Variants in CNTN6 observed in about 807,000 individuals in gnomAD.
CNTN6 encodes contactin 6, also known as contactin-6.
A neutral mutation model predicts 122.8 loss-of-function variants in CNTN6; 137 were observed. That is an observed-to-expected ratio of 1.12 (90% CI 0.97 to 1.29). CNTN6 has a LOEUF of 1.29. Among genes scored for constraint, CNTN6 ranks in the 50% most tolerant of loss-of-function variants. CNTN6 has a pLI of 0.00. For synonymous variants in CNTN6, 570 were observed against 426.0 expected, an observed-to-expected ratio of 1.34 and a Z score of -4.16; for missense variants, 1,634 against 1,223.4, an observed-to-expected ratio of 1.34 and a Z score of -5.01.
intron 5 of CNTN6, among the ~76,000 whole-genome samples, chr3:1,280,765 C>T (rs534956958): frequency 4.6e-5 from 7 of 151,928 alleles, no homozygotes; most frequent in East Asian, 3.9e-4. Flanking sequence ...GCACCTGGTC[C>T]GAGATTTAAT....
intron 4 of CNTN6, among the ~76,000 whole-genome samples, chr3:1,273,016 C>G (rs2095051505): frequency 1.3e-5 from 2 of 152,158 alleles, no homozygotes; most frequent in Admixed American, 6.5e-5. Context: ...GGGCCATTCT[C>G]AGGCACTTCC....
intron 1 of CNTN6, among the ~76,000 whole-genome samples, chr3:1,129,976 T>C (rs146063699): frequency 1.2e-3 from 187 of 152,176 alleles, no homozygotes; most frequent in Non-Finnish European, 2.1e-3. Flanking sequence ...AATCTAGATA[T>C]ATTTTTAATG....
In CNTN6 at chr3:1,199,690, G is replaced by A. The variant is rs181332051; in HGVS notation, c.56-20997G>A. 1.8e-4 allele frequency among the ~76,000 whole-genome samples: 27 copies of A among 152,224 alleles called. No homozygotes were observed. The East Asian group carries it at 3.9e-3, about 22-fold the overall frequency. On this transcript the variant is annotated intron_variant, in intron 2 of 22. Coordinates refer to ENST00000446702, the MANE Select transcript of CNTN6 (RefSeq NM_001289080.2). The stretch of plus-strand genomic sequence containing the variant: ...GAGGTAGAGGAATTGGAACACAGAC[G>A]GGAGGAGATAAGAAGCACTCTCTGC...
At chr3:1,108,011 G>A (rs2091305633) in intron 1 of CNTN6, among the ~76,000 whole-genome samples, 1 of 152,018 alleles carries the variant, frequency 6.6e-6, no homozygotes, top group African/African-American at 2.4e-5. Context: ...GGCTCTGGGT[G>A]TTAATGTCAG....
At position 1,403,953 on chromosome 3, in the gene CNTN6, A is replaced by G. The variant is rs1696035622; in HGVS notation, c.*535A>G. ...TCTTTTTACTCAAGAATATTTCAAT[A>G]TACATGATGTTCTTCTCAGCCCACT... is the stretch of plus-strand genomic sequence containing the variant. On this transcript the variant is annotated 3_prime_UTR_variant, in exon 23 of 23. Transcript: ENST00000446702. 1 of 152,194 alleles carries G rather than the reference A, an allele frequency of 6.6e-6. No individual in the cohort carries two copies. Among genetic ancestry groups the G allele is most frequent in the Admixed American group, 6.6e-5 (1 of 15,256 alleles). The allele number at this position is 152,194 out of a possible 1,614,324, so 9.4% of individuals were successfully genotyped here.
Position 1,329,941 on chromosome 3 carries a change from C to T in CNTN6, c.1364+6C>T, listed in dbSNP as rs2125999632. The stretch of plus-strand genomic sequence containing the variant: ...ACCCTTAGACAAAGCAAAAGGTAAA[C>T]AAATCTTTATTTTTAAAAATATTTT... On this transcript the variant is annotated splice_donor_region_variant and intron_variant, in intron 11 of 22. Coordinates refer to ENST00000446702, the MANE Select transcript of CNTN6 (RefSeq NM_001289080.2). 2.0e-6 allele frequency: 3 copies of T among 1,527,350 alleles called. No individual in the cohort carries two copies. The highest frequency in any genetic ancestry group is 1.3e-5 in the South Asian group (1 of 75,640). The allele number at this position is 1,527,350 out of a possible 1,614,324, so 94.6% of individuals were successfully genotyped here. A position where few individuals can be genotyped will look rare whatever the true frequency, so the allele number is the denominator to read the frequency against.
intron 12 of CNTN6, among the ~76,000 whole-genome samples, chr3:1,352,909 C>T (rs986792927): frequency 2.0e-5 from 3 of 151,614 alleles, no homozygotes; most frequent in African/African-American, 4.8e-5. Context: ...AGGGTCACAA[C>T]CTTTAGTAAG....
intron 2 of CNTN6, among the ~76,000 whole-genome samples, chr3:1,219,306 C>T (rs780992109): frequency 4.6e-5 from 7 of 152,078 alleles, no homozygotes; most frequent in Non-Finnish European, 8.8e-5. Flanking sequence ...CCTGACAGAA[C>T]GCAGCATAAA....
chr3:1,359,676 G>A (rs909882469), intron 12 of CNTN6, among the ~76,000 whole-genome samples: 1 of 152,002 alleles, frequency 6.6e-6, no homozygotes, highest in Non-Finnish European at 1.5e-5. Flanking sequence ...TTGTCTAAGA[G>A]GATATAAAAC....
intron 4 of CNTN6, among the ~76,000 whole-genome samples, chr3:1,258,159 T>C (rs1452252412): frequency 1.3e-4 from 20 of 152,160 alleles, no homozygotes; most frequent in Non-Finnish European, 2.9e-4. Flanking sequence ...AGATTGTGAT[T>C]GATAAAACTT....
In CNTN6 at chr3:1,317,427, T is replaced by A. The variant is rs146431556; in HGVS notation, c.762-4223T>A. ...AGCAGGAAAATGACTCAAAATGGGC[T>A]TAAGAAAAAAATAATATATTGGCTA... On this transcript the variant is annotated intron_variant, in intron 7 of 22. Coordinates refer to ENST00000446702, the MANE Select transcript of CNTN6 (RefSeq NM_001289080.2). Among the ~76,000 whole-genome samples the A allele has an allele frequency of 2.4e-3, 357 of 151,842 alleles. 3 individuals carry two copies. The highest frequency in any genetic ancestry group is 0.018 in the East Asian group (95 of 5,140).
chr3:1,328,667 C>T (rs1701863702), intron 10 of CNTN6, among the ~76,000 whole-genome samples: 1 of 151,744 alleles, frequency 6.6e-6, no homozygotes, highest in African/African-American at 2.4e-5. Context: ...TGAGGACATT[C>T]CCTTTAATCT....
intron 5 of CNTN6, among the ~76,000 whole-genome samples, chr3:1,284,536 A>G (rs1412969844): frequency 6.6e-6 from 1 of 152,112 alleles, no homozygotes; most frequent in Non-Finnish European, 1.5e-5. Flanking sequence ...CTGGGTATTC[A>G]CTCAACAAAT....
chr3:1,256,946 T>A (rs1027298130), intron 4 of CNTN6, among the ~76,000 whole-genome samples: 31 of 152,172 alleles, frequency 2.0e-4, no homozygotes, highest in African/African-American at 6.5e-4. Context: ...TAAATGTGAA[T>A]GCATCTTGAT....
intron 2 of CNTN6, among the ~76,000 whole-genome samples, chr3:1,181,430 G>T (rs2093552119): frequency 6.6e-6 from 1 of 152,078 alleles, no homozygotes; most frequent in African/African-American, 2.4e-5. Flanking sequence ...CCAAATCTTA[G>T]GGGTTTTTTT....
intron 12 of CNTN6, among the ~76,000 whole-genome samples, chr3:1,367,915 C>T (rs888335898): frequency 3.9e-5 from 6 of 152,134 alleles, no homozygotes; most frequent in South Asian, 2.1e-4. Flanking sequence ...GCCCATACCT[C>T]GCCGGAGGCT....
chr3:1,239,043 A>T (rs1052026823), intron 4 of CNTN6, among the ~76,000 whole-genome samples: 1 of 152,208 alleles, frequency 6.6e-6, no homozygotes, highest in African/African-American at 2.4e-5. Context: ...AACCTAGAGG[A>T]GATGGATAAA....
intron 11 of CNTN6, among the ~76,000 whole-genome samples, chr3:1,341,948 C>T (rs1329482158): frequency 1.3e-5 from 2 of 152,240 alleles, no homozygotes; most frequent in African/African-American, 2.4e-5. Flanking sequence ...CCCCTCTGAA[C>T]AACTATTTGC....
At chr3:1,402,042 A>G (rs770786198) in intron 21 of CNTN6, among the ~76,000 whole-genome samples, 11 of 151,970 alleles carry the variant, frequency 7.2e-5, no homozygotes, top group Non-Finnish European at 1.6e-4. Context: ...CTCAACAGTG[A>G]CTTTCCACAG....
Sources: gnomAD v4.1 joint callset for allele counts (sites outside exome capture counted in the v4.1 genomes callset) on GRCh38, gnomAD v4.1.1 for gene constraint, MANE v1.5 for transcripts, NCBI Gene and HGNC (gene_info 2026-07-23, HGNC 2026-07-21) for gene names.